The following BANP variants were observed in gnomAD, a reference collection of about 807,000 sequenced individuals.
The protein encoded by BANP is protein BANP.
In BANP, 11 loss-of-function variants were observed where a neutral mutation model predicts 68.1. The observed-to-expected ratio is 0.16, with a 90% CI of 0.10 to 0.27. BANP has a LOEUF of 0.27. BANP is among the 10% of genes least tolerant of loss of function. BANP has a pLI of 1.00. For synonymous variants in BANP, 329 were observed against 303.2 expected (o/e 1.09, Z -0.88); for missense variants, 504 against 722.7 (o/e 0.70, Z 3.47).
chr16:88,035,462 G>C, intron 10 of BANP, 68 bp downstream of exon 10: 1 of 1,424,802 alleles, frequency 7.0e-7, no homozygotes, highest in Non-Finnish European at 9.7e-7. Flanking sequence ...ACCTTCATCG[G>C]TGTCACAGTG....
chr16:88,005,952 TAGAG>T (rs2070943918), intron 5 of BANP, 134 bp from the exon 6 acceptor site: 1 of 944,270 alleles, frequency 1.1e-6, no homozygotes, highest in South Asian at 1.5e-5. Flanking sequence ...TTAATCTTGG[TAGAG>T]AGAGCAGTAT....
chr16:88,029,474 G>T (rs2077677318), intron 8 of BANP, among the ~76,000 whole-genome samples: 1 of 151,902 alleles, frequency 6.6e-6, no homozygotes, highest in Non-Finnish European at 1.5e-5. Context: ...AGCCGGGCGT[G>T]GTGGCTGGCG....
rs139691645 is a variant in BANP, at chr16:87,961,298, G to A, written c.-69+9783G>A. Among the ~76,000 whole-genome samples the A allele has an allele frequency of 1.4e-3, 211 of 152,200 alleles. 2 individuals carry two copies. Among genetic ancestry groups the A allele is most frequent in the African/African-American group, 4.8e-3 (198 of 41,520 alleles). ...TAAGATACTTTTCCCTTGTCTAACT[G>A]CATCTCCTTGTAAGGCTGCATTTTA... On this transcript the variant is annotated intron_variant, in intron 1 of 13. Transcript: ENST00000682872.
At chr16:87,956,168 T>G (rs2058019124) in intron 1 of BANP, among the ~76,000 whole-genome samples, 1 of 152,216 alleles carries the variant, frequency 6.6e-6, no homozygotes, top group African/African-American at 2.4e-5. Flanking sequence ...GTTACACGAT[T>G]AAGTGATTGA....
At chr16:87,982,102 C>G (rs561171249) in intron 3 of BANP, among the ~76,000 whole-genome samples, 1 of 152,298 alleles carries the variant, frequency 6.6e-6, no homozygotes, top group East Asian at 1.9e-4. Context: ...TGTTTCCAAC[C>G]AATGGATAGG....
chr16:88,053,105 C>T (rs1224555613), intron 11 of BANP, among the ~76,000 whole-genome samples: 9 of 152,100 alleles, frequency 5.9e-5, no homozygotes, highest in African/African-American at 2.2e-4. Flanking sequence ...ACAACCACTA[C>T]CACCCCCACC....
At chr16:88,070,684 G>A (rs1167996095) in intron 12 of BANP, among the ~76,000 whole-genome samples, 2 of 152,138 alleles carry the variant, frequency 1.3e-5, no homozygotes, top group African/African-American at 4.8e-5. Flanking sequence ...AGCACGTGGG[G>A]GGCCTGCAGG....
At chr16:88,022,709 T>A (rs1049377377) in intron 7 of BANP, among the ~76,000 whole-genome samples, 14 of 152,202 alleles carry the variant, frequency 9.2e-5, no homozygotes, top group African/African-American at 2.9e-4. Flanking sequence ...GGGATGAAGG[T>A]GTGGGCAGGG....
At chr16:87,984,390 G>C (rs1415012362) in intron 4 of BANP, 131 bp downstream of exon 4, 1 of 1,080,678 alleles carries the variant, frequency 9.3e-7, no homozygotes, top group Non-Finnish European at 1.3e-6. Flanking sequence ...AGTCTCAGCA[G>C]TTTCTAACTA....
intron 11 of BANP, among the ~76,000 whole-genome samples, chr16:88,048,846 G>A (rs1003075873): frequency 3.3e-5 from 5 of 152,146 alleles, no homozygotes; most frequent in African/African-American, 9.7e-5. Flanking sequence ...CAGTGTTCTC[G>A]GTATCGAATT....
chr16:88,029,306 C>CAA (rs59989652), intron 8 of BANP, among the ~76,000 whole-genome samples: 8 of 55,740 alleles, frequency 1.4e-4, no homozygotes, highest in African/African-American at 2.2e-4. Context: ...GACTGTATCT[C>CAA]AAAAAAAAAA....
At chr16:87,982,328 T>G (rs2146102598) in intron 3 of BANP, among the ~76,000 whole-genome samples, 1 of 152,320 alleles carries the variant, frequency 6.6e-6, no homozygotes, top group South Asian at 2.1e-4. Flanking sequence ...CTAGGTTGTT[T>G]TATTGGTATA....
chr16:88,029,888 A>G lies in BANP; in HGVS notation c.1063+2238A>G, dbSNP rs141745843. ...GAGGCAGCAGAAAGTTGTGGAATCA[A>G]GTTCCTAAGAGCAGAGGGTTACACG... On this transcript the variant is annotated intron_variant, in intron 8 of 13. Coordinates refer to ENST00000682872, the MANE Select transcript of BANP (RefSeq NM_001386991.1). Among the ~76,000 whole-genome samples the G allele has an allele frequency of 7.9e-4, 120 of 152,340 alleles. 2 individuals carry two copies. The highest frequency in any genetic ancestry group is 2.2e-3 in the Admixed American group (33 of 15,304).
At chr16:88,051,981 C>T (rs1462211552) in intron 11 of BANP, among the ~76,000 whole-genome samples, 1 of 152,158 alleles carries the variant, frequency 6.6e-6, no homozygotes, top group Non-Finnish European at 1.5e-5. Flanking sequence ...AAATAATACT[C>T]CCAATCAGTA....
At chr16:87,987,336 C>T (rs1047788155) in intron 4 of BANP, among the ~76,000 whole-genome samples, 1 of 152,170 alleles carries the variant, frequency 6.6e-6, no homozygotes, top group African/African-American at 2.4e-5. Context: ...GCCTCGGCCT[C>T]CCAAAGTGCT....
intron 11 of BANP, among the ~76,000 whole-genome samples, chr16:88,052,115 T>C (rs1882361821): frequency 6.6e-6 from 1 of 152,228 alleles, no homozygotes; most frequent in Admixed American, 6.5e-5. Flanking sequence ...GGACAGATGC[T>C]GGTGTATTTG....
chr16:88,020,034 C>G (rs2075686309), intron 7 of BANP, among the ~76,000 whole-genome samples: 1 of 152,244 alleles, frequency 6.6e-6, no homozygotes, highest in South Asian at 2.1e-4. Flanking sequence ...GGCGCCCATC[C>G]TGGACCCTGA....
At chr16:88,014,343 C>T (rs557970019) in intron 6 of BANP, among the ~76,000 whole-genome samples, 3 of 152,016 alleles carry the variant, frequency 2.0e-5, no homozygotes, top group Admixed American at 1.3e-4. Flanking sequence ...GCGGCTGCCC[C>T]GACACTGCCT....
At chr16:88,027,281 C>T (rs1448045462) in intron 7 of BANP, among the ~76,000 whole-genome samples, 1 of 152,004 alleles carries the variant, frequency 6.6e-6, no homozygotes, top group African/African-American at 2.4e-5. Flanking sequence ...ATTTATATCT[C>T]GTGGGGAGCC....
Sources: gnomAD v4.1 joint callset for allele counts (sites outside exome capture counted in the v4.1 genomes callset) on GRCh38, gnomAD v4.1.1 for gene constraint, MANE v1.5 for transcripts, NCBI Gene and HGNC (gene_info 2026-07-23, HGNC 2026-07-21) for gene names.